The following ZKSCAN1 variants were observed in gnomAD, a reference collection of about 807,000 sequenced individuals.
ZKSCAN1 encodes zinc finger with KRAB and SCAN domains 1.
ZKSCAN1 carries 14 observed loss-of-function variants against 51.6 expected under a neutral mutation model. The observed-to-expected ratio is 0.27, with a 90% CI of 0.18 to 0.42. ZKSCAN1 has a LOEUF of 0.42. Among genes scored for constraint, ZKSCAN1 ranks in the 10% least tolerant of loss-of-function variants. The pLI is 1.00. For missense variants in ZKSCAN1, 531 were observed against 710.0 expected, an observed-to-expected ratio of 0.75 and a Z score of 2.86; for synonymous variants, 263 against 261.5, an observed-to-expected ratio of 1.01 and a Z score of -0.06.
At position 100,019,680 on chromosome 7, in the gene ZKSCAN1, T is replaced by A. The variant is rs374937748; in HGVS notation, c.-88-3739T>A. Among the ~76,000 whole-genome samples, 18 of 152,202 alleles carry A rather than the reference T, an allele frequency of 1.2e-4. No homozygotes were observed. In the East Asian group the frequency reaches 2.7e-3, roughly 23 times the overall value. ...TGCTGTGTGACCTTGAGTAAGTTAT[T>A]TAATGGCAGTATATCTCAGTTCTTC... On this transcript the variant is annotated intron_variant, in intron 1 of 5. Transcript: ENST00000324306.
Position 100,030,279 on chromosome 7 carries a change from T to A in ZKSCAN1, c.703T>A (p.Ser235Thr), listed in dbSNP as rs779800395. 3.7e-6 allele frequency: 6 copies of A among 1,613,982 alleles called. No individual in the cohort carries two copies. The highest frequency in any genetic ancestry group is 5.1e-6 in the Non-Finnish European group (6 of 1,180,016). Residue 235 changes from serine to threonine, a missense_variant, in exon 5 of 6, where the codon TCC becomes ACC. Around this residue, in one of 2 missense-constraint regions of ZKSCAN1, gnomAD observed 403 missense variants for 490.5 expected, o/e 0.82. Transcript: ENST00000324306. ...GGTGAAGATCGAGGACATGGCTGTG[T>A]CCCTCATTCTGGAGGAATGGGGATG... ...AMVKIEDMAV[S>T]LILEEWGCQN...
rs1791329446 is a variant in ZKSCAN1, at chr7:100,035,714, A to C, written c.*1517A>C. The C allele has an allele frequency of 2.7e-6, 1 of 368,576 alleles. No individual in the cohort carries two copies. The highest frequency in any genetic ancestry group is 1.6e-4 in the East Asian group (1 of 6,158). 22.8% of individuals were successfully genotyped at this position (368,576 alleles called of 1,614,324 possible). ...ATGTGGCTGGCTGTGCCATCGTCAT[A>C]GTGCACAGTGACTTTTCTGTTTCTT... On this transcript the variant is annotated 3_prime_UTR_variant, in exon 6 of 6. Coordinates refer to ENST00000324306, the MANE Select transcript of ZKSCAN1 (RefSeq NM_003439.4).
intron 5 of ZKSCAN1, among the ~76,000 whole-genome samples, chr7:100,030,718 A>C (rs74416434): frequency 2.6e-5 from 4 of 152,178 alleles, no homozygotes; most frequent in Non-Finnish European, 4.4e-5. Flanking sequence ...TCGGGGGAAT[A>C]TCTTTCCTAG....
At chr7:100,019,588 G>T (rs1297407432) in intron 1 of ZKSCAN1, among the ~76,000 whole-genome samples, 2 of 152,128 alleles carry the variant, frequency 1.3e-5, no homozygotes, top group African/African-American at 2.4e-5. Context: ...GATAAATTTT[G>T]TATAATGGTT....
rs1160198913 is a variant in ZKSCAN1, at chr7:100,038,016, T to C, written c.*3819T>C. ...AGCCTTGAGTGACAGAGCGAGGCTC[T>C]GTATCAAAAAAAAAAGTTGCGGGGG... On this transcript the variant is annotated 3_prime_UTR_variant, in exon 6 of 6. Coordinates refer to ENST00000324306, the MANE Select transcript of ZKSCAN1 (RefSeq NM_003439.4). 4 of 984,660 alleles carry C rather than the reference T, an allele frequency of 4.1e-6. No individual in the cohort carries two copies. The highest frequency in any genetic ancestry group is 4.8e-6 in the Non-Finnish European group (4 of 829,752). The allele number at this position is 984,660 out of a possible 1,614,324, so 61.0% of individuals were successfully genotyped here.
chr7:100,035,840 C>G lies in ZKSCAN1; in HGVS notation c.*1643C>G, dbSNP rs1286930104. On this transcript the variant is annotated 3_prime_UTR_variant, in exon 6 of 6. Transcript: ENST00000324306. ...AGAAGCTGATGGCAGGAGACTGTTT[C>G]ACACACAGGAGATTGTGAGCTGTGT... The G allele has an allele frequency of 1.7e-5, 17 of 985,268 alleles. No homozygotes were observed. 61.0% of individuals were successfully genotyped at this position (985,268 alleles called of 1,614,324 possible). A position where few individuals can be genotyped will look rare whatever the true frequency, so the allele number is the denominator to read the frequency against.
chr7:100,032,334 C>T (rs987965670), intron 5 of ZKSCAN1, among the ~76,000 whole-genome samples: 4 of 152,128 alleles, frequency 2.6e-5, no homozygotes, highest in African/African-American at 9.7e-5. Flanking sequence ...AAGGCTCCTG[C>T]TTCTCATCCC....
chr7:100,039,350 G>A lies in ZKSCAN1; in HGVS notation c.*5153G>A, dbSNP rs1014250238. ...AAAGAAAGAAAGAAAGAAAATTGGG[G>A]ATAGGAGAACAGCAAGGTGGGCATT... On this transcript the variant is annotated 3_prime_UTR_variant, in exon 6 of 6. Coordinates refer to ENST00000324306, the MANE Select transcript of ZKSCAN1 (RefSeq NM_003439.4). 2.0e-6 allele frequency: 2 copies of A among 985,292 alleles called. No homozygotes were observed. The highest frequency in any genetic ancestry group is 2.4e-6 in the Non-Finnish European group (2 of 830,096). 61.0% of individuals were successfully genotyped at this position (985,292 alleles called of 1,614,324 possible). A position where few individuals can be genotyped will look rare whatever the true frequency, so the allele number is the denominator to read the frequency against.
chr7:100,037,171 C>G lies in ZKSCAN1; in HGVS notation c.*2974C>G. ...ACGCTTGCAACATCTAATTGGCGTTCAAGATAGTCATTCAAAAGTTCTTGG... is the reference window on the plus strand; with the variant it reads ...ACGCTTGCAACATCTAATTGGCGTTGAAGATAGTCATTCAAAAGTTCTTGG... On this transcript the variant is annotated 3_prime_UTR_variant, in exon 6 of 6. Coordinates refer to ENST00000324306, the MANE Select transcript of ZKSCAN1 (RefSeq NM_003439.4). 1.0e-6 allele frequency: 1 copy of G among 985,394 alleles called. No individual in the cohort carries two copies. 61.0% of individuals were successfully genotyped at this position (985,394 alleles called of 1,614,324 possible).
chr7:100,033,657 A>G lies in ZKSCAN1; in HGVS notation c.1152A>G (p.Lys384=). The G allele has an allele frequency of 6.2e-7, 1 of 1,614,210 alleles. No homozygotes were observed. The highest frequency in any genetic ancestry group is 2.2e-5 in the East Asian group (1 of 44,882). ...TKSHRCDECG[K]CFTRSSSLIR... Reference sequence around the variant, plus strand: ...CTCACAGATGTGATGAATGTGGTAAATGCTTCACGAGAAGTTCAAGCCTTA... The same window carrying G: ...CTCACAGATGTGATGAATGTGGTAAGTGCTTCACGAGAAGTTCAAGCCTTA... The change falls in exon 6 of 6, where the codon AAA becomes AAG. Residue 384 remains lysine, a synonymous_variant. Transcript: ENST00000324306. This position sits in a 1 kb window ranked among gnomAD's most constrained non-coding sequence, Gnocchi z 4.1.
In ZKSCAN1 at chr7:100,039,965, T is replaced by G. The variant is rs1791523455; in HGVS notation, c.*5768T>G. 1.9e-5 allele frequency: 18 copies of G among 966,892 alleles called. No individual in the cohort carries two copies. The highest frequency in any genetic ancestry group is 1.7e-5 in the Non-Finnish European group (14 of 813,330). The allele number at this position is 966,892 out of a possible 1,614,324, so 59.9% of individuals were successfully genotyped here. The stretch of plus-strand genomic sequence containing the variant: ...TTAATAAAAGGCATTATTTGAAAAG[T>G]TTTTCTAACATAGATTTAGGGTTTT... On this transcript the variant is annotated 3_prime_UTR_variant, in exon 6 of 6. Transcript: ENST00000324306.
intron 1 of ZKSCAN1, among the ~76,000 whole-genome samples, chr7:100,018,852 A>C (rs780286483): frequency 1.3e-5 from 2 of 152,162 alleles, no homozygotes; most frequent in Non-Finnish European, 2.9e-5. Context: ...GAGATACTGA[A>C]GGTGAGGAGG....
intron 3 of ZKSCAN1, among the ~76,000 whole-genome samples, chr7:100,025,731 A>T (rs943895051): frequency 6.6e-6 from 1 of 152,220 alleles, no homozygotes; most frequent in African/African-American, 2.4e-5. Context: ...CACTGTAGGG[A>T]ATTGTAACAC....
Position 100,039,627 on chromosome 7 carries a change from A to G in ZKSCAN1, c.*5430A>G. ...GGTAGTCATGCTGATCTGCTTATCC[A>G]AAGCCAGCTAACCAGGTTCATCCTA... On this transcript the variant is annotated 3_prime_UTR_variant, in exon 6 of 6. Coordinates refer to ENST00000324306, the MANE Select transcript of ZKSCAN1 (RefSeq NM_003439.4). The G allele has an allele frequency of 1.0e-6, 1 of 985,452 alleles. No individual in the cohort carries two copies. Among genetic ancestry groups the G allele is most frequent in the Non-Finnish European group, 1.2e-6 (1 of 829,940 alleles). The allele number at this position is 985,452 out of a possible 1,614,324, so 61.0% of individuals were successfully genotyped here.
rs1307190405 is a variant in ZKSCAN1, at chr7:100,023,739, A to G, written c.233A>G (p.Lys78Arg). ...FGPREALSRL[K>R]ELCHQWLRPE... Reference sequence around the variant, plus strand: ...CCCCGAGAGGCTCTCAGTCGGCTGAAGGAACTTTGTCATCAGTGGCTGCGG... The same window carrying G: ...CCCCGAGAGGCTCTCAGTCGGCTGAGGGAACTTTGTCATCAGTGGCTGCGG... Residue 78 changes from lysine to arginine, a missense_variant, in exon 2 of 6, where the codon AAG (lysine) becomes AGG (arginine). Lys to Arg is a conservative substitution (Grantham distance 26). Around this residue, in one of 2 missense-constraint regions of ZKSCAN1, gnomAD observed 403 missense variants for 490.5 expected, o/e 0.82. Coordinates refer to ENST00000324306, the MANE Select transcript of ZKSCAN1 (RefSeq NM_003439.4). The G allele has an allele frequency of 6.2e-7, 1 of 1,614,220 alleles. No homozygotes were observed.
chr7:100,036,409 A>T lies in ZKSCAN1; in HGVS notation c.*2212A>T, dbSNP rs1791362292. On this transcript the variant is annotated 3_prime_UTR_variant, in exon 6 of 6. Transcript: ENST00000324306. ...AAAACTCCTGTGCTTTTGAGCAAGG[A>T]CTTTTGCCCTCTAGAAAGCAACTGA... The T allele has an allele frequency of 1.0e-6, 1 of 985,316 alleles. No homozygotes were observed. The highest frequency in any genetic ancestry group is 1.2e-6 in the Non-Finnish European group (1 of 829,948). The allele number at this position is 985,316 out of a possible 1,614,324, so 61.0% of individuals were successfully genotyped here. A position where few individuals can be genotyped will look rare whatever the true frequency, so the allele number is the denominator to read the frequency against.
At chr7:100,028,808 A>C (rs1302017836) in intron 3 of ZKSCAN1, among the ~76,000 whole-genome samples, 4 of 151,926 alleles carry the variant, frequency 2.6e-5, no homozygotes, top group African/African-American at 9.6e-5. Context: ...AAAAAAAAAA[A>C]AAAACAGTAT....
downstream of ZKSCAN1, among the ~76,000 whole-genome samples, chr7:100,042,084 C>T (rs981278326): frequency 6.6e-6 from 1 of 152,022 alleles, no homozygotes; most frequent in African/African-American, 2.4e-5. Context: ...TTTGGGAGGC[C>T]GAGGCAGGCA....
chr7:100,040,972 TG>T lies in ZKSCAN1; in HGVS notation c.*6780del, dbSNP rs758146162. The T allele has an allele frequency of 2.8e-5, 28 of 982,786 alleles. No homozygotes were observed. In the East Asian group the frequency reaches 1.4e-3, roughly 48 times the overall value. The allele number at this position is 982,786 out of a possible 1,614,324, so 60.9% of individuals were successfully genotyped here. ...ATCTTGTCCTAAAAATATATGAGTT[TG>T]GGGGTAAGGGGTGGGATAGCCAAGC... On this transcript the variant is annotated 3_prime_UTR_variant, in exon 6 of 6. Coordinates refer to ENST00000324306, the MANE Select transcript of ZKSCAN1 (RefSeq NM_003439.4).
Sources: gnomAD v4.1 joint callset for allele counts (sites outside exome capture counted in the v4.1 genomes callset) on GRCh38, gnomAD v4.1.1 for gene constraint, gnomAD v4.1.1 regional missense constraint, Gnocchi (gnomAD v3.1) non-coding constraint, MANE v1.5 for transcripts, NCBI Gene and HGNC (gene_info 2026-07-23, HGNC 2026-07-21) for gene names.